The following TNFRSF21 variants were observed in gnomAD, a reference collection of about 807,000 sequenced individuals.
TNFRSF21 encodes the protein tumor necrosis factor receptor superfamily member 21.
A neutral mutation model predicts 45.6 loss-of-function variants in TNFRSF21; 19 were observed. The ratio of observed to expected loss-of-function variants is 0.42; its 90% CI spans 0.29 to 0.61. The LOEUF is 0.61. Among genes scored for constraint, TNFRSF21 ranks in the 20% least tolerant of loss-of-function variants. TNFRSF21 has a pLI of 0.23. For synonymous variants in TNFRSF21, 314 were observed against 335.5 expected (o/e 0.94, Z 0.70); for missense variants, 737 against 851.5 (o/e 0.87, Z 1.67).
chr6:47,253,728 G>A (rs1173876228), intron 3 of TNFRSF21, among the ~76,000 whole-genome samples: 1 of 152,170 alleles, frequency 6.6e-6, no homozygotes, highest in African/African-American at 2.4e-5. Context: ...CACTTCCTGA[G>A]TGTGGAACCA....
At chr6:47,307,124 A>G (rs1446161761) in intron 1 of TNFRSF21, among the ~76,000 whole-genome samples, 2 of 152,130 alleles carry the variant, frequency 1.3e-5, no homozygotes, top group Non-Finnish European at 2.9e-5. Context: ...CATAGTCTCT[A>G]CTGATTCCTG....
rs755158366 is a variant in TNFRSF21 at position 47,253,344 on chromosome 6, C to T, written c.1421G>A (p.Ser474Asn). 1 of 1,614,072 alleles carries T rather than the reference C, an allele frequency of 6.2e-7. No homozygotes were observed. ...QHWTIRGPEA[S>N]LAQLISALRQ... Reference sequence around the variant, plus strand: ...CAGGGCGCTAATTAGCTGGGCGAGGCTGGCCTCGGGGCCCCGGATGGTCCA... The same window carrying T: ...CAGGGCGCTAATTAGCTGGGCGAGGTTGGCCTCGGGGCCCCGGATGGTCCA... Residue 474 changes from serine to asparagine, a missense_variant, in exon 4 of 6, where the codon AGC (serine) becomes AAC (asparagine). Coordinates refer to ENST00000296861, the MANE Select transcript of TNFRSF21 (RefSeq NM_014452.5).
At chr6:47,291,400 G>A (rs1762726219) in intron 1 of TNFRSF21, among the ~76,000 whole-genome samples, 1 of 151,966 alleles carries the variant, frequency 6.6e-6, no homozygotes, top group South Asian at 2.1e-4. Flanking sequence ...CGGGAGAGTA[G>A]ACAAGAAAAC....
chr6:47,305,709 T>G (rs1053787450), intron 1 of TNFRSF21, among the ~76,000 whole-genome samples: 1 of 152,234 alleles, frequency 6.6e-6, no homozygotes, highest in African/African-American at 2.4e-5. Context: ...AACGCACAGC[T>G]GGACAGGCTA....
chr6:47,253,086 C>A (rs905659135), intron 4 of TNFRSF21, among the ~76,000 whole-genome samples, 170 bp downstream of exon 4: 1 of 151,658 alleles, frequency 6.6e-6, no homozygotes, highest in African/African-American at 2.4e-5. Flanking sequence ...ACTGAGAACC[C>A]CCGTCCTAGA....
chr6:47,268,948 T>C (rs1762374391), intron 3 of TNFRSF21, among the ~76,000 whole-genome samples: 1 of 152,226 alleles, frequency 6.6e-6, no homozygotes, highest in Non-Finnish European at 1.5e-5. Flanking sequence ...ACTTGAGTAA[T>C]TGTTTACAAA....
intron 3 of TNFRSF21, among the ~76,000 whole-genome samples, chr6:47,262,206 A>G (rs1358868080): frequency 6.6e-6 from 1 of 152,252 alleles, no homozygotes; most frequent in African/African-American, 2.4e-5. Flanking sequence ...ATGTTTTCCA[A>G]CGATAAACTA....
intron 1 of TNFRSF21, among the ~76,000 whole-genome samples, chr6:47,303,217 G>C (rs1762895834): frequency 6.6e-6 from 1 of 152,122 alleles, no homozygotes; most frequent in Non-Finnish European, 1.5e-5. Context: ...AAGCAACAGA[G>C]CCACACAGCA....
intron 3 of TNFRSF21, among the ~76,000 whole-genome samples, chr6:47,262,742 T>C (rs1012882214): frequency 1.7e-4 from 26 of 152,066 alleles, no homozygotes; most frequent in African/African-American, 6.3e-4. Context: ...GGTATTGGCA[T>C]GGACAAGGAG....
At chr6:47,240,098 A>T (rs897813059) in intron 4 of TNFRSF21, among the ~76,000 whole-genome samples, 1 of 152,144 alleles carries the variant, frequency 6.6e-6, no homozygotes, top group African/African-American at 2.4e-5. Flanking sequence ...GTTCCATTTA[A>T]CCCCTTGGCT....
In TNFRSF21 at chr6:47,235,426, C is replaced by T. The variant is rs185170002; in HGVS notation, c.1510-528G>A. On this transcript the variant is annotated intron_variant, in intron 4 of 5. Transcript: ENST00000296861. The stretch of plus-strand genomic sequence containing the variant: ...GAAGCGATGAGGACACAGACGCACA[C>T]AGAGGGAAGACACAGTGAAGACATG... Among the ~76,000 whole-genome samples the T allele has an allele frequency of 9.8e-4, 149 of 152,292 alleles. 2 individuals carry two copies. Among genetic ancestry groups the T allele is most frequent in the Non-Finnish European group, 4.3e-4 (29 of 68,038 alleles).
At chr6:47,269,234 C>G (rs555964244) in intron 3 of TNFRSF21, among the ~76,000 whole-genome samples, 3 of 151,878 alleles carry the variant, frequency 2.0e-5, no homozygotes, top group African/African-American at 4.8e-5. Context: ...CAAACACACA[C>G]ACACAAACAC....
chr6:47,304,648 C>T (rs1231567827), intron 1 of TNFRSF21, among the ~76,000 whole-genome samples: 1 of 152,228 alleles, frequency 6.6e-6, no homozygotes, highest in Non-Finnish European at 1.5e-5. Context: ...CTACATTTAG[C>T]CACACTAAAA....
chr6:47,237,569 C>T (rs1262496219), intron 4 of TNFRSF21, among the ~76,000 whole-genome samples: 1 of 152,102 alleles, frequency 6.6e-6, no homozygotes, highest in African/African-American at 2.4e-5. Context: ...ACAAGAAAGC[C>T]ATATTTCCAG....
Position 47,234,742 on chromosome 6 carries a change from G to T in TNFRSF21, c.1666C>A (p.Pro556Thr). Reference protein sequence around the residue: ...NKGFFVDESEPLLRCDSTSSG... With the variant: ...NKGFFVDESETLLRCDSTSSG... ...GATGTAGAGTCACAGCGGAGAAGGG[G>T]CTCCGACTCATCCACGAAGAAGCCC... The change falls in exon 5 of 6, where the codon CCC becomes ACC. Residue 556 changes from proline to threonine, a missense_variant. Pro to Thr is a conservative substitution (Grantham distance 38). Transcript: ENST00000296861. 6.2e-7 allele frequency: 1 copy of T among 1,610,924 alleles called. No homozygotes were observed. The highest frequency in any genetic ancestry group is 8.5e-7 in the Non-Finnish European group (1 of 1,178,836).
chr6:47,244,169 A>T (rs1184722344), intron 4 of TNFRSF21, among the ~76,000 whole-genome samples: 1 of 151,980 alleles, frequency 6.6e-6, no homozygotes, highest in African/African-American at 2.4e-5. Flanking sequence ...AAAAATACAA[A>T]AAAAATTAGC....
chr6:47,284,436 G>GA lies in TNFRSF21; in HGVS notation c.749-5dup, dbSNP rs781748292. 4.0e-5 allele frequency: 60 copies of GA among 1,509,530 alleles called. No individual in the cohort carries two copies. The highest frequency in any genetic ancestry group is 7.0e-5 in the Admixed American group (3 of 43,062). The allele number at this position is 1,509,530 out of a possible 1,614,324, so 93.5% of individuals were successfully genotyped here. The stretch of plus-strand genomic sequence containing the variant: ...TTGGATTCTGTTGAGTTCATGCCTA[G>GA]AAAAAAGAGTAAGGAGGGGGGAAGA... On this transcript the variant is annotated splice_region_variant and splice_polypyrimidine_tract_variant and intron_variant, in intron 2 of 5. Transcript: ENST00000296861.
chr6:47,273,371 A>G (rs1188112119), intron 3 of TNFRSF21, among the ~76,000 whole-genome samples: 1 of 152,244 alleles, frequency 6.6e-6, no homozygotes, highest in Non-Finnish European at 1.5e-5. Flanking sequence ...TATGCAAATC[A>G]ATAAATGTAA....
intron 1 of TNFRSF21, among the ~76,000 whole-genome samples, chr6:47,289,461 T>C (rs997280677): frequency 6.6e-5 from 10 of 151,794 alleles, no homozygotes; most frequent in African/African-American, 2.2e-4. Context: ...GTCGAGACCC[T>C]CCCCCAACAA....
Sources: allele counts gnomAD v4.1 joint callset (sites outside exome capture counted in the v4.1 genomes callset), GRCh38; gene constraint gnomAD v4.1.1; transcripts MANE v1.5; gene names NCBI Gene and HGNC (gene_info 2026-07-23, HGNC 2026-07-21).